Variants in ANKMY1 observed in about 807,000 individuals in gnomAD.
ANKMY1 encodes ankyrin repeat and MYND domain containing 1, also known as ankyrin repeat and MYND domain-containing protein 1.
In ANKMY1, 98 loss-of-function variants were observed where a neutral mutation model predicts 102.0. The observed-to-expected ratio is 0.96, with a 90% confidence interval of 0.82 to 1.14. The LOEUF (loss-of-function observed/expected upper bound fraction) is 1.14, where lower values mean the gene tolerates loss of function less well. ANKMY1 is among the 50% of genes most tolerant of loss of function. The pLI, the probability that ANKMY1 is intolerant of heterozygous loss-of-function variation, is 0.00. For missense variants in ANKMY1, 1,330 were observed against 1,347.6 expected, an observed-to-expected ratio of 0.99 and a Z score of 0.20; for synonymous variants, 582 against 559.9, an observed-to-expected ratio of 1.04 and a Z score of -0.56.
intron 15 of ANKMY1, among the ~76,000 whole-genome samples, chr2:240,483,553 C>A (rs6741340): frequency 0.81 from 122,960 of 152,186 alleles, 49,870 homozygotes; most frequent in East Asian, 0.99. Context: ...TGTTTAATCT[C>A]TTCACATTTA....
downstream of ANKMY1, among the ~76,000 whole-genome samples, chr2:240,477,407 T>A (rs1574830091): frequency 6.6e-6 from 1 of 152,240 alleles, no homozygotes; most frequent in Non-Finnish European, 1.5e-5. Flanking sequence ...TTCTCATTTT[T>A]AAAAATTAGT....
chr2:240,511,307 C>T (rs942321456), intron 11 of ANKMY1, among the ~76,000 whole-genome samples: 9 of 152,254 alleles, frequency 5.9e-5, no homozygotes, highest in Non-Finnish European at 1.0e-4. Flanking sequence ...GTGCCATGTG[C>T]TCCGTGGCCA....
At chr2:240,553,082 A>G (rs912501499) in intron 3 of ANKMY1, 25 bp from the exon 4 acceptor site, 24 of 1,609,440 alleles carry the variant, frequency 1.5e-5, no homozygotes, top group Non-Finnish European at 2.0e-5. Flanking sequence ...AGTTGGTGAG[A>G]AATTGCTGCT....
rs2081899949 is a variant in ANKMY1 at position 240,520,086 on chromosome 2, G to A, written c.2004+276C>T. The stretch of plus-strand genomic sequence containing the variant: ...CCTTTCCAAGGGGCCTTCAGGATGC[G>A]CTTCCCCTTAGTTTGCTTCAACACT... On this transcript the variant is annotated intron_variant, in intron 9 of 17. Coordinates refer to ENST00000401804, the MANE Select transcript of ANKMY1 (RefSeq NM_001282771.3). This position sits in a 1 kb window ranked among gnomAD's most constrained non-coding sequence, Gnocchi z 4.8. 3 of 641,926 alleles carry A rather than the reference G, an allele frequency of 4.7e-6. No individual in the cohort carries two copies. Among genetic ancestry groups the A allele is most frequent in the Admixed American group, 2.1e-5 (1 of 47,230 alleles). The allele number at this position is 641,926 out of a possible 1,614,324, so 39.8% of individuals were successfully genotyped here.
rs184780632 is a variant in ANKMY1 at position 240,493,289 on chromosome 2, T to G, written c.2806+6669A>C. On this transcript the variant is annotated intron_variant, in intron 15 of 17. Transcript: ENST00000401804. ...TTACAGTAAGCTGAGATTGTGCCAC[T>G]GTACTCCAGCCTGGGTGACAGAGTG... Among the ~76,000 whole-genome samples, 195 of 152,292 alleles carry G rather than the reference T, an allele frequency of 1.3e-3. 1 individual carries two copies. The highest frequency in any genetic ancestry group is 6.8e-3 in the Middle Eastern group (2 of 294).
At chr2:240,486,346 CATAT>C (rs1032914745) in intron 15 of ANKMY1, among the ~76,000 whole-genome samples, 1 of 151,928 alleles carries the variant, frequency 6.6e-6, no homozygotes. Flanking sequence ...TCAATGCATA[CATAT>C]ATATATACAA....
chr2:240,507,402 T>A (rs2079275282), intron 13 of ANKMY1, among the ~76,000 whole-genome samples, 158 bp downstream of exon 13: 1 of 18,916 alleles, frequency 5.3e-5, no homozygotes, highest in African/African-American at 2.2e-4. Flanking sequence ...CTCACACCCC[T>A]GCCACCCAGG....
rs887698981 is a variant in ANKMY1 at position 240,520,859 on chromosome 2, A to G, written c.1833-326T>C. 6.6e-6 allele frequency among the ~76,000 whole-genome samples: 1 copy of G among 151,402 alleles called. No homozygotes were observed. The highest frequency in any genetic ancestry group is 1.5e-5 in the Non-Finnish European group (1 of 67,818). On this transcript the variant is annotated intron_variant, in intron 8 of 17. Transcript: ENST00000401804. This position sits in a 1 kb window ranked among gnomAD's most constrained non-coding sequence, Gnocchi z 4.8. Reference sequence around the variant, plus strand: ...CACACCAGAGCGCACACACCATAGCACAGCGCACACCACACAGTACGCACA... The same window carrying G: ...CACACCAGAGCGCACACACCATAGCGCAGCGCACACCACACAGTACGCACA...
chr2:240,531,535 G>T (rs892039286), intron 4 of ANKMY1, among the ~76,000 whole-genome samples: 4 of 152,104 alleles, frequency 2.6e-5, no homozygotes, highest in African/African-American at 9.7e-5. Flanking sequence ...CCATGCAATG[G>T]AATACTACCC....
chr2:240,479,729 A>C, intron 17 of ANKMY1, 74 bp from the exon 18 acceptor site: 1 of 1,401,934 alleles, frequency 7.1e-7, no homozygotes, highest in Non-Finnish European at 1.0e-6. Context: ...TGGCTCCAGA[A>C]CTCGGGCTGT....
chr2:240,557,432 G>A (rs2092491726), intron 1 of ANKMY1, 80 bp from the exon 2 acceptor site: 4 of 1,393,520 alleles, frequency 2.9e-6, no homozygotes, highest in East Asian at 2.7e-5. Context: ...CCCGGCCCGC[G>A]GCCCCTGAGC....
intron 15 of ANKMY1, among the ~76,000 whole-genome samples, chr2:240,492,055 G>A (rs2076716738): frequency 1.3e-5 from 2 of 152,064 alleles, no homozygotes; most frequent in Non-Finnish European, 2.9e-5. Context: ...CTGTCACCCA[G>A]GCTGGAGTGC....
chr2:240,493,326 C>CA (rs879353827), intron 15 of ANKMY1, among the ~76,000 whole-genome samples: 13 of 149,890 alleles, frequency 8.7e-5, no homozygotes, highest in South Asian at 2.1e-4. Context: ...GACTCCATCT[C>CA]AAAAAAAAAA....
intron 15 of ANKMY1, among the ~76,000 whole-genome samples, chr2:240,490,947 T>C (rs1414152537): frequency 6.6e-6 from 1 of 152,178 alleles, no homozygotes; most frequent in African/African-American, 2.4e-5. Flanking sequence ...CCCATTATTA[T>C]TGTATTGCAG....
At chr2:240,540,134 C>G (rs944041849) in intron 4 of ANKMY1, among the ~76,000 whole-genome samples, 2 of 152,262 alleles carry the variant, frequency 1.3e-5, no homozygotes, top group African/African-American at 4.8e-5. Flanking sequence ...CTTTAACCAA[C>G]TGTAAATTAC....
chr2:240,529,168 A>G lies in ANKMY1; in HGVS notation c.822T>C (p.Ser274=). ...TGCGGGCGTCCAGCTCTTTGCGGAA[A>G]GAGCTTGTCATGGGCAGGTGGTCAC... is the stretch of plus-strand genomic sequence containing the variant. The part of the protein sequence containing the change: ...TNSDHLPMTS[S]FRKELDARIF... The change falls in exon 5 of 18, where the codon TCT becomes TCC. Residue 274 remains serine (S), a synonymous_variant. Coordinates refer to ENST00000401804, the MANE Select transcript of ANKMY1 (RefSeq NM_001282771.3). This position sits in a 1 kb window ranked among gnomAD's most constrained non-coding sequence, Gnocchi z 4.2. 1 of 1,614,190 alleles carries G rather than the reference A, an allele frequency of 6.2e-7. No individual in the cohort carries two copies. The highest frequency in any genetic ancestry group is 8.5e-7 in the Non-Finnish European group (1 of 1,180,020).
At chr2:240,484,869 C>T (rs968243980) in intron 15 of ANKMY1, among the ~76,000 whole-genome samples, 1 of 152,152 alleles carries the variant, frequency 6.6e-6, no homozygotes, top group East Asian at 1.9e-4. Context: ...AAACAAACAA[C>T]CCCCTCAAAA....
rs1207505986 is a variant in ANKMY1, at chr2:240,520,935, A to C, written c.1833-402T>G. Reference sequence around the variant, plus strand: ...AAACCACACTACACATACAGCACACAACCACACAAACCACACACACACCAC... The same window carrying C: ...AAACCACACTACACATACAGCACACCACCACACAAACCACACACACACCAC... On this transcript the variant is annotated intron_variant, in intron 8 of 17. Transcript: ENST00000401804. The surrounding 1 kb of genome is among the most constrained non-coding windows in gnomAD (Gnocchi z 4.8). Among the ~76,000 whole-genome samples the C allele has an allele frequency of 1.3e-5, 2 of 149,870 alleles. No homozygotes were observed. The highest frequency in any genetic ancestry group is 3.0e-5 in the Non-Finnish European group (2 of 67,598).
At chr2:240,482,137 C>T in intron 16 of ANKMY1, 46 bp downstream of exon 16, 1 of 1,598,740 alleles carries the variant, frequency 6.3e-7, no homozygotes, top group South Asian at 1.1e-5. Context: ...CTGTCCAAAC[C>T]ACAGGCTGCC....
Sources: gnomAD v4.1 joint callset for allele counts (sites outside exome capture counted in the v4.1 genomes callset) on GRCh38, gnomAD v4.1.1 for gene constraint, Gnocchi (gnomAD v3.1) non-coding constraint, MANE v1.5 for transcripts, NCBI Gene and HGNC (gene_info 2026-07-23, HGNC 2026-07-21) for gene names.